The following DGKA variants were observed in gnomAD, a reference collection of about 807,000 sequenced individuals.
The protein encoded by DGKA is 80 kDa diacylglycerol kinase.
DGKA carries 35 observed loss-of-function variants against 105.0 expected under a neutral mutation model. That is an observed-to-expected ratio of 0.33 (90% CI 0.25 to 0.44). The LOEUF (loss-of-function observed/expected upper bound fraction) is 0.44. Ranked by LOEUF, DGKA falls within the 20% of genes least tolerant of loss-of-function variation. DGKA has a pLI of 1.00. For synonymous variants in DGKA, 296 were observed against 332.0 expected (o/e 0.89, Z 1.18); for missense variants, 665 against 915.0 (o/e 0.73, Z 3.53).
chr12:55,941,075 C>T (rs1008740229), intron 13 of DGKA, 95 bp downstream of exon 13: 12 of 1,407,114 alleles, frequency 8.5e-6, no homozygotes, highest in Admixed American at 4.0e-5. Context: ...TGGTGGGGAG[C>T]GGTTGATGCT....
At chr12:55,930,365 T>G (rs905880450), upstream of DGKA, 5 of 129,356 alleles carry the variant, frequency 3.9e-5, no homozygotes, top group Admixed American at 7.5e-5. Context: ...TTGTTTTTTT[T>G]TTTTTTTTTT....
In DGKA at chr12:55,952,991, A is replaced by T. The variant is rs1266502397; in HGVS notation, c.1943-49A>T. 5 of 1,613,958 alleles carry T rather than the reference A, an allele frequency of 3.1e-6. No homozygotes were observed. The highest frequency in any genetic ancestry group is 4.2e-6 in the Non-Finnish European group (5 of 1,179,986). On this transcript the variant is annotated intron_variant, in intron 21 of 23. Coordinates refer to ENST00000331886, the MANE Select transcript of DGKA (RefSeq NM_001345.5). This position sits in a 1 kb window ranked among gnomAD's most constrained non-coding sequence, Gnocchi z 5.1. ...GGACGAAGGGAAAGTGTGACTCCCT[A>T]TGGGGATACCCTGTTTATGTAAAAC...
At chr12:55,941,680 G>T (rs1036988744) in intron 15 of DGKA, 96 bp downstream of exon 15, 9 of 1,275,104 alleles carry the variant, frequency 7.1e-6, no homozygotes, top group Non-Finnish European at 1.0e-5. Flanking sequence ...ATTGGGAGAG[G>T]AGGGCTAGAG....
intron 17 of DGKA, chr12:55,942,518 C>T (rs1330335059): frequency 9.0e-6 from 4 of 444,384 alleles, no homozygotes; most frequent in African/African-American, 2.0e-5. Context: ...CCAACCAACT[C>T]TTATGGCTCA....
upstream of DGKA, among the ~76,000 whole-genome samples, chr12:55,928,581 G>A (rs1306288120): frequency 1.4e-5 from 2 of 147,862 alleles, no homozygotes; most frequent in African/African-American, 2.5e-5. Context: ...GGGAGGCTGA[G>A]GCAGAGAATT....
intron 23 of DGKA, 84 bp from the exon 24 acceptor site, chr12:55,953,601 C>A: frequency 6.8e-7 from 1 of 1,477,486 alleles, no homozygotes; most frequent in Non-Finnish European, 9.4e-7. Flanking sequence ...CCACCCCAAA[C>A]CCCACAGATT....
intron 17 of DGKA, among the ~76,000 whole-genome samples, chr12:55,946,401 G>T (rs1234166305): frequency 6.6e-6 from 1 of 152,118 alleles, no homozygotes; most frequent in African/African-American, 2.4e-5. Flanking sequence ...CCATCGCACA[G>T]GCTGGAGTGC....
At chr12:55,936,402 C>A in intron 1 of DGKA, 21 bp from the exon 2 acceptor site, 1 of 1,509,676 alleles carries the variant, frequency 6.6e-7, no homozygotes, top group African/African-American at 1.4e-5. Context: ...TCCCACTGTA[C>A]GCTCTGTCAC....
chr12:55,932,389 G>T lies in DGKA; in HGVS notation c.-82+1045G>T. The T allele has an allele frequency of 1.7e-6, 1 of 606,016 alleles. No homozygotes were observed. The highest frequency in any genetic ancestry group is 1.8e-5 in the African/African-American group (1 of 54,418). 37.5% of individuals were successfully genotyped at this position (606,016 alleles called of 1,614,324 possible). ...GGAGGGATGGTGAAGCCCGGTTCCTGGGACCCGACTCGGAGGGAAGTCCTC... is the reference window on the plus strand; with the variant it reads ...GGAGGGATGGTGAAGCCCGGTTCCTTGGACCCGACTCGGAGGGAAGTCCTC... On this transcript the variant is annotated intron_variant, in intron 1 of 23. Transcript: ENST00000331886. The surrounding 1 kb of genome is among the most constrained non-coding windows in gnomAD (Gnocchi z 4.3).
upstream of DGKA, chr12:55,930,775 T>TACA (rs5798362): frequency 0.84 from 127,573 of 151,644 alleles, 53,982 homozygotes; most frequent in African/African-American, 0.93. Flanking sequence ...CCAGTTTGGA[T>TACA]ACAACAATAC....
chr12:55,928,701 A>AC (rs1883247508), upstream of DGKA, among the ~76,000 whole-genome samples: 1 of 150,280 alleles, frequency 6.7e-6, no homozygotes, highest in Admixed American at 6.6e-5. Flanking sequence ...AAAAAAAAAA[A>AC]AAAAACTAAA....
chr12:55,952,326 T>C lies in DGKA; in HGVS notation c.1653-15T>C. The C allele has an allele frequency of 6.2e-7, 1 of 1,613,912 alleles. No homozygotes were observed. The highest frequency in any genetic ancestry group is 1.1e-5 in the South Asian group (1 of 91,076). ...CTGTCCCTCCCTACTGGGCCTTGTG[T>C]TGGGGCTGACACAGAATGAAGAACA... On this transcript the variant is annotated splice_polypyrimidine_tract_variant and intron_variant, in intron 19 of 23. Transcript: ENST00000331886. This position sits in a 1 kb window ranked among gnomAD's most constrained non-coding sequence, Gnocchi z 5.1.
chr12:55,927,776 C>A (rs774522356), upstream of DGKA: 1 of 1,538,088 alleles, frequency 6.5e-7, no homozygotes, highest in Non-Finnish European at 8.7e-7. Flanking sequence ...GAAGAGGCAG[C>A]GGACCAGGTT....
chr12:55,938,411 A>G, intron 5 of DGKA, 100 bp from the exon 6 acceptor site: 1 of 1,503,168 alleles, frequency 6.7e-7, no homozygotes, highest in Non-Finnish European at 9.2e-7. Flanking sequence ...CTTCTCACCC[A>G]AAAGCTCTCT....
rs1490717139 is a variant in DGKA, at chr12:55,941,248, G to A, written c.1102-4G>A. 1 of 1,610,156 alleles carries A rather than the reference G, an allele frequency of 6.2e-7. No homozygotes were observed. The highest frequency in any genetic ancestry group is 8.5e-7 in the Non-Finnish European group (1 of 1,176,992). On this transcript the variant is annotated splice_polypyrimidine_tract_variant and splice_region_variant and intron_variant, in intron 13 of 23. Transcript: ENST00000331886. ...TTTGTCCTTATTTTCTTCCCCCAAT[G>A]CAGATTGACCCTGTTCCTAACACCC...
chr12:55,928,988 C>G (rs1376658397), upstream of DGKA, among the ~76,000 whole-genome samples: 1 of 151,898 alleles, frequency 6.6e-6, no homozygotes, highest in Non-Finnish European at 1.5e-5. Context: ...GAAATCCCAT[C>G]TCTACTAAAA....
Position 55,940,526 on chromosome 12 carries a change from T to C in DGKA, c.918+93T>C. 3 of 1,578,512 alleles carry C rather than the reference T, an allele frequency of 1.9e-6. No individual in the cohort carries two copies. The highest frequency in any genetic ancestry group is 2.6e-6 in the Non-Finnish European group (3 of 1,162,122). On this transcript the variant is annotated intron_variant, in intron 11 of 23. Transcript: ENST00000331886. This position sits in a 1 kb window ranked among gnomAD's most constrained non-coding sequence, Gnocchi z 4.3. Reference sequence around the variant, plus strand: ...GGCCACACCTCCTTTACAGGCACAGTTGCCCCTGCTCCCAAGGGCTCTTTC... The same window carrying C: ...GGCCACACCTCCTTTACAGGCACAGCTGCCCCTGCTCCCAAGGGCTCTTTC...
intron 17 of DGKA, among the ~76,000 whole-genome samples, chr12:55,942,843 G>T (rs1284543509): frequency 6.6e-6 from 1 of 152,030 alleles, no homozygotes; most frequent in Non-Finnish European, 1.5e-5. Context: ...TTGGGTTCAG[G>T]GTCCAGCTCT....
rs895008801 is a variant in DGKA, at chr12:55,953,491, C to A, written c.2124+81C>A. On this transcript the variant is annotated intron_variant, in intron 23 of 23. Transcript: ENST00000331886. The stretch of plus-strand genomic sequence containing the variant: ...ATCCCCATTCCACAGCTTCTTTACA[C>A]CCTTCTGATGCCTGAACTTCCCCTG... 21 of 1,458,808 alleles carry A rather than the reference C, an allele frequency of 1.4e-5. No individual in the cohort carries two copies. The Admixed American group carries it at 1.5e-4, about 11-fold the overall frequency. 90.4% of individuals were successfully genotyped at this position (1,458,808 alleles called of 1,614,324 possible).
Sources: allele counts gnomAD v4.1 joint callset (sites outside exome capture counted in the v4.1 genomes callset), GRCh38; gene constraint gnomAD v4.1.1; non-coding constraint Gnocchi (gnomAD v3.1); transcripts MANE v1.5; gene names NCBI Gene and HGNC (gene_info 2026-07-23, HGNC 2026-07-21).